The following RPS6KA5 variants were observed in gnomAD, a reference collection of about 807,000 sequenced individuals.
RPS6KA5 encodes ribosomal protein S6 kinase alpha-5.
RPS6KA5 carries 27 observed loss-of-function variants against 85.5 expected under a neutral mutation model. That is an observed-to-expected ratio of 0.32 (90% confidence interval 0.23 to 0.44). The LOEUF is 0.44. Among genes scored for constraint, RPS6KA5 ranks in the 20% least tolerant of loss-of-function variants. The pLI is 1.00. For synonymous variants in RPS6KA5, 334 were observed against 348.2 expected (o/e 0.96, Z 0.46); for missense variants, 811 against 980.9 (o/e 0.83, Z 2.31).
At chr14:91,044,409 GAAAGAAAGAAA>G (rs1446770678) in intron 1 of RPS6KA5, among the ~76,000 whole-genome samples, 1,512 of 80,584 alleles carry the variant, frequency 0.019, 39 homozygotes, top group East Asian at 0.11. Flanking sequence ...AAGAAAGAAA[GAAAGAAAGAAA>G]GAAAGAAAGA....
intron 1 of RPS6KA5, among the ~76,000 whole-genome samples, chr14:91,004,537 A>C (rs2040926930): frequency 6.6e-6 from 1 of 152,194 alleles, no homozygotes; most frequent in South Asian, 2.1e-4. Context: ...CTGAGCACCA[A>C]AAATCTATAG....
At chr14:91,026,669 T>C (rs1310148276) in intron 1 of RPS6KA5, among the ~76,000 whole-genome samples, 2 of 152,214 alleles carry the variant, frequency 1.3e-5, no homozygotes, top group African/African-American at 2.4e-5. Context: ...TACTCAGTAA[T>C]GGGATTGCTA....
rs2032897086 is a variant in RPS6KA5, at chr14:90,868,420, G to A, written c.*3654C>T. 1 of 152,134 alleles carries A rather than the reference G, an allele frequency of 6.6e-6. No homozygotes were observed. Among genetic ancestry groups the A allele is most frequent in the Non-Finnish European group, 1.5e-5 (1 of 68,020 alleles). 9.4% of individuals were successfully genotyped at this position (152,134 alleles called of 1,614,324 possible). A position where few individuals can be genotyped will look rare whatever the true frequency, so the allele number is the denominator to read the frequency against. ...ATGTAAGACATTTGAGAGGCCAAAA[G>A]TCATATAATTTTAAGATACTTCATG... On this transcript the variant is annotated 3_prime_UTR_variant, in exon 17 of 17. Transcript: ENST00000614987.
Position 91,002,697 on chromosome 14 carries a change from T to C in RPS6KA5, c.104-1538A>G, listed in dbSNP as rs183691491. ...AACATAAAATTTACCACCTTAACCA[T>C]TTTTAAGTATACAGTATTGTTAACC... is the stretch of plus-strand genomic sequence containing the variant. On this transcript the variant is annotated intron_variant, in intron 1 of 16. Transcript: ENST00000614987. Among the ~76,000 whole-genome samples, 391 of 152,278 alleles carry C rather than the reference T, an allele frequency of 2.6e-3. 1 individual carries two copies. Among genetic ancestry groups the C allele is most frequent in the Non-Finnish European group, 3.8e-3 (255 of 67,984 alleles).
rs1426080673 is a variant in RPS6KA5 at position 90,852,110 on chromosome 14, GA to G, written c.*19963del. 4.5e-5 allele frequency: 1 copy of G among 22,058 alleles called. No individual in the cohort carries two copies. Among genetic ancestry groups the G allele is most frequent in the Non-Finnish European group, 1.6e-4 (1 of 6,302 alleles). 1.4% of individuals were successfully genotyped at this position (22,058 alleles called of 1,614,324 possible). ...TTTTTTTTTTTTTTTTTTTTTTTAA[GA>G]CGGAGTCTCGCTCTGTCGCCCAGGC... On this transcript the variant is annotated 3_prime_UTR_variant, in exon 17 of 17. Transcript: ENST00000614987.
At chr14:90,882,963 A>C (rs1374378294) in intron 14 of RPS6KA5, among the ~76,000 whole-genome samples, 1 of 151,914 alleles carries the variant, frequency 6.6e-6, no homozygotes, top group African/African-American at 2.4e-5. Flanking sequence ...ACGCCTGGCT[A>C]ATTTGTGTAT....
intron 1 of RPS6KA5, among the ~76,000 whole-genome samples, chr14:91,018,670 C>T (rs946013984): frequency 6.6e-6 from 1 of 152,138 alleles, no homozygotes; most frequent in Admixed American, 6.5e-5. Flanking sequence ...CAGTGGTTTG[C>T]CGGGGGCTCT....
At chr14:91,041,658 T>A (rs573983033) in intron 1 of RPS6KA5, among the ~76,000 whole-genome samples, 1 of 152,350 alleles carries the variant, frequency 6.6e-6, no homozygotes, top group East Asian at 1.9e-4. Flanking sequence ...GGTGCTAAGC[T>A]ATTCTGAAGC....
intron 5 of RPS6KA5, among the ~76,000 whole-genome samples, chr14:90,927,693 T>C (rs2036747604): frequency 6.6e-6 from 1 of 152,064 alleles, no homozygotes; most frequent in Non-Finnish European, 1.5e-5. Flanking sequence ...TGTGAAAAGC[T>C]TTAAAAATAT....
chr14:90,925,655 TGAAGGATTACTTGAAACAGTAGAAAAATA>T (rs1210460243), intron 5 of RPS6KA5, among the ~76,000 whole-genome samples: 2 of 151,630 alleles, frequency 1.3e-5, no homozygotes, highest in Non-Finnish European at 2.9e-5. Flanking sequence ...CACAACAAAC[TGAAGGATTACTTGAAACAGTAGAAAAATA>T]ATCTGTAAAT....
At chr14:90,896,911 T>C (rs1343036964) in intron 12 of RPS6KA5, among the ~76,000 whole-genome samples, 1 of 151,966 alleles carries the variant, frequency 6.6e-6, no homozygotes, top group Non-Finnish European at 1.5e-5. Flanking sequence ...TTGGTAGAGA[T>C]AGGGTCTCAC....
intron 8 of RPS6KA5, 84 bp from the exon 9 acceptor site, chr14:90,903,053 G>A: frequency 8.7e-7 from 1 of 1,146,074 alleles, no homozygotes; most frequent in South Asian, 1.5e-5. Context: ...TTAGGATTTT[G>A]ACTGGTAGGG....
chr14:90,881,500 TTTTG>T (rs1013597893), intron 14 of RPS6KA5, among the ~76,000 whole-genome samples: 28 of 151,874 alleles, frequency 1.8e-4, no homozygotes, highest in African/African-American at 4.8e-4. Context: ...CTGAGCTCTT[TTTTG>T]TTTGTTTGTT....
At chr14:90,985,674 A>C (rs1023744839) in intron 2 of RPS6KA5, among the ~76,000 whole-genome samples, 1 of 152,218 alleles carries the variant, frequency 6.6e-6, no homozygotes, top group Non-Finnish European at 1.5e-5. Flanking sequence ...TAAGTGACTT[A>C]TACTTAGCCA....
chr14:90,996,183 T>C (rs1408931911), intron 2 of RPS6KA5, among the ~76,000 whole-genome samples: 1 of 151,308 alleles, frequency 6.6e-6, no homozygotes, highest in African/African-American at 2.5e-5. Flanking sequence ...CAGGCTAATT[T>C]GTTTTTTTTG....
chr14:91,015,133 G>A (rs1232073729), intron 1 of RPS6KA5, among the ~76,000 whole-genome samples: 2 of 152,172 alleles, frequency 1.3e-5, no homozygotes, highest in Non-Finnish European at 2.9e-5. Context: ...GGATTGCACA[G>A]AGGTTTTTAA....
rs932326468 is a variant in RPS6KA5 at position 90,899,431 on chromosome 14, T to C, written c.1380-9A>G. The C allele has an allele frequency of 3.8e-6, 6 of 1,596,968 alleles. No homozygotes were observed. Among genetic ancestry groups the C allele is most frequent in the Non-Finnish European group, 5.1e-6 (6 of 1,165,672 alleles). On this transcript the variant is annotated splice_polypyrimidine_tract_variant and intron_variant, in intron 11 of 16. Transcript: ENST00000614987. ...GAGTATTGGCTTCCATCCTGCAAGA[T>C]GAGACACTTAGCATCCACATGTCTC...
intron 3 of RPS6KA5, among the ~76,000 whole-genome samples, chr14:90,960,834 TC>T (rs756239459): frequency 5.9e-5 from 9 of 152,260 alleles, no homozygotes; most frequent in Non-Finnish European, 1.2e-4. Context: ...ATATTGTTTT[TC>T]TTCCCTTTAT....
At chr14:91,025,076 A>G (rs1223377453) in intron 1 of RPS6KA5, among the ~76,000 whole-genome samples, 6 of 150,084 alleles carry the variant, frequency 4.0e-5, no homozygotes, top group Non-Finnish European at 7.4e-5. Flanking sequence ...ATGGAGTCTC[A>G]TTCAGTCGCC....
Sources: gnomAD v4.1 joint callset for allele counts (sites outside exome capture counted in the v4.1 genomes callset) on GRCh38, gnomAD v4.1.1 for gene constraint, MANE v1.5 for transcripts, NCBI Gene and HGNC (gene_info 2026-07-23, HGNC 2026-07-21) for gene names.